ABCA10: variants seen among roughly 807,000 people sequenced by gnomAD.
The protein encoded by ABCA10 is ATP binding cassette subfamily A member 10.
ABCA10 carries 169 observed loss-of-function variants against 187.5 expected under a neutral mutation model. The observed-to-expected ratio is 0.90, with a 90% CI of 0.80 to 1.02. The LOEUF is 1.02. Ranked by LOEUF, ABCA10 falls within the 50% of genes least tolerant of loss-of-function variation. The probability of loss-of-function intolerance (pLI) is 0.00; values close to 1 mark genes in which losing one functional copy is unlikely to be tolerated. For missense variants in ABCA10, 1,727 were observed against 1,812.4 expected (o/e 0.95, Z 0.86); for synonymous variants, 574 against 601.8 (o/e 0.95, Z 0.68).
intron 9 of ABCA10, among the ~76,000 whole-genome samples, chr17:69,202,010 C>G (rs1399225697): frequency 1.3e-5 from 2 of 152,078 alleles, no homozygotes; most frequent in Admixed American, 1.3e-4. Flanking sequence ...CTCGAACTCC[C>G]AACCTCAGGC....
intron 9 of ABCA10, among the ~76,000 whole-genome samples, chr17:69,203,354 CAT>C (rs1348358720): frequency 6.6e-6 from 1 of 152,078 alleles, no homozygotes; most frequent in Non-Finnish European, 1.5e-5. Context: ...TTTTTAAAAA[CAT>C]ATCAAAAATC....
At chr17:69,212,003 C>A (rs535768180) in intron 9 of ABCA10, among the ~76,000 whole-genome samples, 1 of 152,010 alleles carries the variant, frequency 6.6e-6, no homozygotes, top group African/African-American at 2.4e-5. Context: ...TTGGGGATTT[C>A]TTTTCTTCTG....
At chr17:69,195,387 T>C (rs1237488077) in intron 11 of ABCA10, among the ~76,000 whole-genome samples, 1 of 151,694 alleles carries the variant, frequency 6.6e-6, no homozygotes, top group Non-Finnish European at 1.5e-5. Context: ...TAAATGTATA[T>C]ATACAAAAAA....
chr17:69,187,237 A>G (rs2074428625), intron 19 of ABCA10, among the ~76,000 whole-genome samples: 1 of 152,170 alleles, frequency 6.6e-6, no homozygotes, highest in African/African-American at 2.4e-5. Flanking sequence ...CACAGCCTGA[A>G]TTTCCACCAT....
At chr17:69,219,930 T>C (rs956213688) in intron 5 of ABCA10, among the ~76,000 whole-genome samples, 159 bp from the exon 6 acceptor site, 1 of 152,232 alleles carries the variant, frequency 6.6e-6, no homozygotes, top group Non-Finnish European at 1.5e-5. Context: ...TTGATACCAA[T>C]TGACATTAAT....
rs372284530 is a variant in ABCA10, at chr17:69,201,494, A to T, written c.1175+6T>A. On this transcript the variant is annotated splice_donor_region_variant and intron_variant, in intron 10 of 38. Coordinates refer to ENST00000690296, the MANE Select transcript of ABCA10 (RefSeq NM_001377321.1). ...AGTGTACATAGTCATGTAATTTCTT[A>T]GTTACCTTATGGCTTCTTTTCCATG... 1.3e-4 allele frequency: 202 copies of T among 1,562,830 alleles called. 1 individual carries two copies. Among genetic ancestry groups the T allele is most frequent in the Non-Finnish European group, 1.6e-4 (183 of 1,160,650 alleles).
intron 3 of ABCA10, among the ~76,000 whole-genome samples, 177 bp downstream of exon 3, chr17:69,225,148 C>A (rs2074783348): frequency 6.6e-6 from 1 of 151,976 alleles, no homozygotes; most frequent in Non-Finnish European, 1.5e-5. Flanking sequence ...TAAATCATTT[C>A]ATCTGTTGCC....
At position 69,160,347 on chromosome 17, in the gene ABCA10, G is replaced by A. The variant is rs573025158; in HGVS notation, c.3364-3424C>T. Reference sequence around the variant, plus strand: ...ATAATGGCCGGGCACGGTGGCTCACGCCTGCAATCCCAGCACTTTGGGAGG... The same window carrying A: ...ATAATGGCCGGGCACGGTGGCTCACACCTGCAATCCCAGCACTTTGGGAGG... On this transcript the variant is annotated intron_variant, in intron 27 of 38. Transcript: ENST00000690296. Among the ~76,000 whole-genome samples the A allele has an allele frequency of 3.9e-5, 6 of 152,220 alleles. No individual in the cohort carries two copies. The East Asian group carries it at 5.8e-4, about 15-fold the overall frequency.
chr17:69,164,580 G>T (rs1168478320), intron 26 of ABCA10, among the ~76,000 whole-genome samples: 1 of 152,120 alleles, frequency 6.6e-6, no homozygotes, highest in African/African-American at 2.4e-5. Flanking sequence ...CAATCAATAA[G>T]TCCAATAAGA....
At chr17:69,182,947 G>A in intron 20 of ABCA10, 139 bp from the exon 21 acceptor site, 1 of 1,012,356 alleles carries the variant, frequency 9.9e-7, no homozygotes, top group Non-Finnish European at 1.4e-6. Flanking sequence ...CTCTTTAGGA[G>A]TACAATACTA....
intron 9 of ABCA10, among the ~76,000 whole-genome samples, chr17:69,208,019 T>C (rs897066639): frequency 1.3e-5 from 2 of 152,238 alleles, no homozygotes; most frequent in African/African-American, 2.4e-5. Context: ...AAACATCATG[T>C]GTACATGGTA....
At chr17:69,224,707 T>C (rs1240915888) in intron 3 of ABCA10, among the ~76,000 whole-genome samples, 3 of 146,360 alleles carry the variant, frequency 2.0e-5, no homozygotes, top group African/African-American at 7.5e-5. Context: ...AAAAAAAGCC[T>C]CACTACTCTA....
chr17:69,222,504 A>G, intron 4 of ABCA10, 29 bp downstream of exon 4: 1 of 1,493,994 alleles, frequency 6.7e-7, no homozygotes, highest in Non-Finnish European at 8.9e-7. Context: ...GTATCAAAAA[A>G]AAATTATAAT....
At position 69,148,859 on chromosome 17, in the gene ABCA10, C is replaced by G. The variant is rs2144746966; in HGVS notation, c.4600G>C (p.Glu1534Gln). 1 of 1,613,206 alleles carries G rather than the reference C, an allele frequency of 6.2e-7. No individual in the cohort carries two copies. Among genetic ancestry groups the G allele is most frequent in the Non-Finnish European group, 8.5e-7 (1 of 1,179,836 alleles). Residue 1534 changes from glutamate (E) to glutamine (Q), a missense_variant, in exon 39 of 39, where the codon GAA becomes CAA. Coordinates refer to ENST00000690296, the MANE Select transcript of ABCA10 (RefSeq NM_001377321.1). ...NVDDKIDTTVEWKLLPQEDP is the reference protein window; with the variant it reads ...NVDDKIDTTVQWKLLPQEDP ...TCTTCCTGTGGGAGAAGTTTCCATT[C>G]AACTGTTGTATCAATTTTATCATCA... is the stretch of plus-strand genomic sequence containing the variant.
At chr17:69,173,931 G>A (rs551488540) in intron 25 of ABCA10, among the ~76,000 whole-genome samples, 9 of 152,092 alleles carry the variant, frequency 5.9e-5, no homozygotes, top group East Asian at 5.8e-4. Context: ...AGAGGCCTGC[G>A]TTTAAGTCTG....
At chr17:69,216,186 G>A (rs181524509) in intron 7 of ABCA10, 31 bp downstream of exon 7, 5 of 1,596,004 alleles carry the variant, frequency 3.1e-6, no homozygotes, top group Admixed American at 3.5e-5. Context: ...TCTGAAACAG[G>A]TTAAGAGGTA....
chr17:69,205,462 C>A (rs1029284220), intron 9 of ABCA10, among the ~76,000 whole-genome samples: 3 of 152,218 alleles, frequency 2.0e-5, no homozygotes, highest in African/African-American at 7.2e-5. Flanking sequence ...AAGCAAATAT[C>A]TCTTCCCTTG....
intron 28 of ABCA10, 75 bp from the exon 29 acceptor site, chr17:69,156,000 T>C: frequency 2.1e-6 from 3 of 1,440,604 alleles, no homozygotes; most frequent in Non-Finnish European, 2.8e-6. Flanking sequence ...ACCCCTATAA[T>C]TAAATTATTA....
exon 1 of ABCA10, chr17:69,244,703 A>G (rs1225155616): frequency 6.6e-6 from 1 of 151,534 alleles, no homozygotes; most frequent in Non-Finnish European, 1.5e-5. Context: ...TTACACAAAA[A>G]TACAGTATGG....
Sources: gnomAD v4.1 joint callset for allele counts (sites outside exome capture counted in the v4.1 genomes callset) on GRCh38, gnomAD v4.1.1 for gene constraint, MANE v1.5 for transcripts, NCBI Gene and HGNC (gene_info 2026-07-23, HGNC 2026-07-21) for gene names.